The following USP30 variants were observed in gnomAD, a reference collection of about 807,000 sequenced individuals.
USP30 encodes ubiquitin carboxyl-terminal hydrolase 30.
USP30 carries 41 observed loss-of-function variants against 68.2 expected under a neutral mutation model. That is an observed-to-expected ratio of 0.60 (90% confidence interval 0.47 to 0.78). The LOEUF is 0.78. Ranked by LOEUF, USP30 falls within the 30% of genes least tolerant of loss-of-function variation. The pLI is 0.00. For synonymous variants in USP30, 229 were observed against 253.7 expected (o/e 0.90, Z 0.93); for missense variants, 522 against 649.4 (o/e 0.80, Z 2.13).
chr12:109,082,520 C>G (rs1305783129), intron 9 of USP30, 143 bp from the exon 10 acceptor site: 10 of 712,196 alleles, frequency 1.4e-5, no homozygotes, highest in Non-Finnish European at 2.4e-5. Flanking sequence ...AAACAATTCA[C>G]AAATAACTGG....
At chr12:109,064,790 T>C (rs2041195627) in intron 3 of USP30, among the ~76,000 whole-genome samples, 1 of 151,746 alleles carries the variant, frequency 6.6e-6, no homozygotes, top group Non-Finnish European at 1.5e-5. Context: ...AAAATGTTAG[T>C]AGATATTGCC....
intron 12 of USP30, 23 bp from the exon 13 acceptor site, chr12:109,085,644 T>C (rs1056125637): frequency 6.8e-6 from 11 of 1,610,504 alleles, no homozygotes; most frequent in African/African-American, 6.7e-5. Context: ...TGTAAACCCC[T>C]GACATGTGTT....
At chr12:109,061,514 A>G (rs561755503) in intron 3 of USP30, among the ~76,000 whole-genome samples, 2 of 151,584 alleles carry the variant, frequency 1.3e-5, no homozygotes, top group African/African-American at 2.4e-5. Flanking sequence ...GCCCAAAACA[A>G]TCCTCCATTT....
intron 1 of USP30, 134 bp from the exon 2 acceptor site, chr12:109,056,548 A>G (rs899104675): frequency 3.5e-6 from 2 of 573,140 alleles, no homozygotes; most frequent in Non-Finnish European, 3.0e-6. Flanking sequence ...ATGTAATCCT[A>G]TGACTATATG....
At chr12:109,050,776 A>T (rs547288755), upstream of USP30, among the ~76,000 whole-genome samples, 8 of 152,262 alleles carry the variant, frequency 5.3e-5, no homozygotes, top group Admixed American at 5.2e-4. Flanking sequence ...TGGGAGCCCG[A>T]GGCGGATGGA....
intron 5 of USP30, 138 bp downstream of exon 5, chr12:109,071,848 G>C (rs1431281477): frequency 1.7e-5 from 13 of 786,082 alleles, no homozygotes; most frequent in East Asian, 1.4e-4. Context: ...GCCAGGGGAG[G>C]GTCTTAAAAC....
At chr12:109,063,586 A>G (rs2041148836) in intron 3 of USP30, among the ~76,000 whole-genome samples, 1 of 152,202 alleles carries the variant, frequency 6.6e-6, no homozygotes, top group Admixed American at 6.5e-5. Flanking sequence ...GCTGGATCAA[A>G]TGGTAATTCT....
chr12:109,031,076 A>G (rs943752808), intron 3 of USP30, among the ~76,000 whole-genome samples: 7 of 152,210 alleles, frequency 4.6e-5, no homozygotes, highest in African/African-American at 1.4e-4. Flanking sequence ...ATTCCAAAAT[A>G]AAAAGTTTAA....
intron 7 of USP30, among the ~76,000 whole-genome samples, chr12:109,076,880 C>T (rs1317344795): frequency 1.3e-5 from 2 of 151,756 alleles, no homozygotes; most frequent in South Asian, 2.1e-4. Context: ...TACAGGCGCC[C>T]GCCACCACGC....
chr12:109,027,207 C>T (rs1043923795), intron 2 of USP30, among the ~76,000 whole-genome samples: 1 of 152,196 alleles, frequency 6.6e-6, no homozygotes, highest in South Asian at 2.1e-4. Flanking sequence ...CAAAGAGAAA[C>T]TCTACCCATT....
upstream of USP30, among the ~76,000 whole-genome samples, chr12:109,048,780 G>A (rs890197760): frequency 2.0e-5 from 3 of 151,284 alleles, no homozygotes; most frequent in Non-Finnish European, 1.5e-5. Flanking sequence ...AAGAAAAACC[G>A]GATGTAAAAC....
At position 109,025,790 on chromosome 12, in the gene USP30, C is replaced by T. The variant is rs2040440965; in HGVS notation, c.-228+718C>T. On this transcript the variant is annotated intron_variant, in intron 2 of 15. Transcript: ENST00000392784. The stretch of plus-strand genomic sequence containing the variant: ...TCCTCCTGCCTCAGCCCAGCTCTAG[C>T]GATTCTCCCACCTCAGCCTCCCGAG... Among the ~76,000 whole-genome samples, 4 of 151,980 alleles carry T rather than the reference C, an allele frequency of 2.6e-5. No individual in the cohort carries two copies. In the South Asian group the frequency reaches 6.2e-4, roughly 24 times the overall value.
chr12:109,073,918 CATTTT>C (rs749173778), intron 7 of USP30, among the ~76,000 whole-genome samples: 25 of 152,116 alleles, frequency 1.6e-4, no homozygotes, highest in Admixed American at 5.9e-4. Context: ...CACCCCAATC[CATTTT>C]ATTTTATTTT....
intron 3 of USP30, among the ~76,000 whole-genome samples, chr12:109,036,964 T>C (rs1286823663): frequency 6.6e-6 from 1 of 152,214 alleles, no homozygotes; most frequent in African/African-American, 2.4e-5. Context: ...ATTAATGTTT[T>C]CCATAAAATG....
At chr12:109,056,242 G>T (rs2040874159) in intron 1 of USP30, among the ~76,000 whole-genome samples, 1 of 152,016 alleles carries the variant, frequency 6.6e-6, no homozygotes, top group Non-Finnish European at 1.5e-5. Flanking sequence ...ACCTGGGCTG[G>T]AGTGCAATGG....
chr12:109,041,582 C>T (rs1339713053), intron 3 of USP30, among the ~76,000 whole-genome samples: 1 of 151,564 alleles, frequency 6.6e-6, no homozygotes, highest in Non-Finnish European at 1.5e-5. Flanking sequence ...TTGCAGTGAG[C>T]CAAGATAGTG....
intron 8 of USP30, chr12:109,081,623 G>GCGCACACACACACA (rs886662557): frequency 1.4e-5 from 7 of 500,640 alleles, no homozygotes; most frequent in South Asian, 5.2e-5. Flanking sequence ...ACGCATGCGC[G>GCGCACACACACACA]CACACACACA....
At chr12:109,045,345 C>T (rs1346704519) in intron 3 of USP30, among the ~76,000 whole-genome samples, 1 of 152,172 alleles carries the variant, frequency 6.6e-6, no homozygotes, top group East Asian at 1.9e-4. Flanking sequence ...AGCCCATTCT[C>T]AGGTGTTAAT....
In USP30 at chr12:109,083,053, C is replaced by T; in HGVS notation, c.1159C>T (p.Pro387Ser). 6.2e-7 allele frequency: 1 copy of T among 1,609,480 alleles called. No homozygotes were observed. Among genetic ancestry groups the T allele is most frequent in the Non-Finnish European group, 8.5e-7 (1 of 1,177,536 alleles). The change falls in exon 11 of 13, where the codon CCC becomes TCC. Residue 387 changes from proline (P) to serine (S), a missense_variant. Physicochemically the swap from Pro to Ser is moderately conservative, Grantham distance 74. Coordinates refer to ENST00000257548, the MANE Select transcript of USP30 (RefSeq NM_032663.5). ...TLELQDGPGA[P>S]TPVLNQPGAP... is the part of the protein sequence containing the mutation. The stretch of plus-strand genomic sequence containing the variant: ...GGAGCTGCAGGATGGGCCGGGAGCC[C>T]CCACACCAGGTGTGTGCGCGCGAGG...
Sources: gnomAD v4.1 joint callset for allele counts (sites outside exome capture counted in the v4.1 genomes callset) on GRCh38, gnomAD v4.1.1 for gene constraint, MANE v1.5 for transcripts, NCBI Gene and HGNC (gene_info 2026-07-23, HGNC 2026-07-21) for gene names.